The following PHLPP2 variants were observed in gnomAD, a reference collection of about 807,000 sequenced individuals.
PHLPP2 encodes the protein PH domain and leucine rich repeat protein phosphatase 2.
Under a neutral mutation model 124.9 loss-of-function variants are expected in PHLPP2, and 66 were observed. That is an observed-to-expected ratio of 0.53 (90% CI 0.43 to 0.65). PHLPP2 has a LOEUF of 0.65. Ranked by LOEUF, PHLPP2 falls within the 30% of genes least tolerant of loss-of-function variation. PHLPP2 has a pLI of 0.00. For missense variants in PHLPP2, 1,685 were observed against 1,600.4 expected (o/e 1.05, Z -0.90); for synonymous variants, 681 against 624.7 (o/e 1.09, Z -1.34).
intron 13 of PHLPP2, among the ~76,000 whole-genome samples, chr16:71,660,591 A>C (rs1282733922): frequency 6.6e-6 from 1 of 151,524 alleles, no homozygotes; most frequent in African/African-American, 2.4e-5. Flanking sequence ...ATGCCCGGCT[A>C]ATTTTTTGTA....
At chr16:71,667,497 A>G (rs996080180) in intron 11 of PHLPP2, among the ~76,000 whole-genome samples, 164 bp from the exon 12 acceptor site, 2 of 152,186 alleles carry the variant, frequency 1.3e-5, no homozygotes, top group Non-Finnish European at 2.9e-5. Context: ...AGCTATGACC[A>G]TATGTTTACC....
At chr16:71,704,997 C>G (rs969657960) in intron 2 of PHLPP2, among the ~76,000 whole-genome samples, 1 of 152,052 alleles carries the variant, frequency 6.6e-6, no homozygotes, top group Non-Finnish European at 1.5e-5. Context: ...CTGTACTGCT[C>G]CAAAGAATGG....
At chr16:71,659,226 T>C (rs1448901419) in intron 13 of PHLPP2, among the ~76,000 whole-genome samples, 1 of 150,864 alleles carries the variant, frequency 6.6e-6, no homozygotes, top group African/African-American at 2.4e-5. Flanking sequence ...AAAAATGAGG[T>C]TGTACTAAAT....
At position 71,649,790 on chromosome 16, in the gene PHLPP2, G is replaced by A. The variant is rs777601856; in HGVS notation, c.3072C>T (p.Asp1024=). ...CTLAQSYGCQ[D]NVGAMVVYLN... is the part of the protein sequence containing the mutation. ...AATAAACTACCATCGCCCCTACATT[G>A]TCCTGACAGCCATAGCTCTGCGCTA... The change falls in exon 19 of 19, where the codon GAC becomes GAT. Residue 1024 remains aspartate, a synonymous_variant. Coordinates refer to ENST00000568954, the MANE Select transcript of PHLPP2 (RefSeq NM_015020.3). 9 of 1,614,096 alleles carry A rather than the reference G, an allele frequency of 5.6e-6. No individual in the cohort carries two copies. The African/African-American group carries it at 1.2e-4, about 22-fold the overall frequency.
intron 4 of PHLPP2, among the ~76,000 whole-genome samples, chr16:71,689,807 G>A (rs558754857): frequency 3.3e-5 from 5 of 152,092 alleles, no homozygotes; most frequent in African/African-American, 7.2e-5. Flanking sequence ...AAGCTACCAC[G>A]CCCAGCTTAT....
At chr16:71,719,302 A>G (rs1176450685) in intron 1 of PHLPP2, among the ~76,000 whole-genome samples, 1 of 152,192 alleles carries the variant, frequency 6.6e-6, no homozygotes, top group African/African-American at 2.4e-5. Context: ...TGGGAGGCTG[A>G]GGCGGGCAGG....
intron 13 of PHLPP2, among the ~76,000 whole-genome samples, chr16:71,660,448 T>TG (rs1475007932): frequency 8.7e-5 from 10 of 115,150 alleles, no homozygotes; most frequent in African/African-American, 3.4e-4. Context: ...TTTTTTGAGA[T>TG]GGAGTCTTGC....
At chr16:71,715,089 G>A (rs556561760) in intron 1 of PHLPP2, 2 of 385,092 alleles carry the variant, frequency 5.2e-6, no homozygotes, top group African/African-American at 4.1e-5. Context: ...CAGTGGCTCA[G>A]GCCTGTAATC....
chr16:71,722,452 C>A (rs982422799), intron 1 of PHLPP2, among the ~76,000 whole-genome samples: 2 of 151,978 alleles, frequency 1.3e-5, no homozygotes, highest in South Asian at 2.1e-4. Flanking sequence ...AGAAAAAAAA[C>A]TGAGAGGCAG....
chr16:71,655,949 T>C (rs578178450), intron 16 of PHLPP2, among the ~76,000 whole-genome samples: 2 of 152,182 alleles, frequency 1.3e-5, no homozygotes, highest in Non-Finnish European at 2.9e-5. Flanking sequence ...TCATGGGCAG[T>C]ACATATTAGC....
intron 12 of PHLPP2, among the ~76,000 whole-genome samples, chr16:71,664,933 A>T (rs2044825571): frequency 1.3e-5 from 2 of 152,220 alleles, no homozygotes; most frequent in African/African-American, 2.4e-5. Flanking sequence ...ACATTCCTAA[A>T]AACAGAATTT....
chr16:71,670,621 T>C (rs1171604689), intron 10 of PHLPP2, among the ~76,000 whole-genome samples: 1 of 149,020 alleles, frequency 6.7e-6, no homozygotes, highest in Non-Finnish European at 1.5e-5. Flanking sequence ...GTTAGGGGGA[T>C]TGTGAGGTAA....
chr16:71,670,135 G>A (rs73578257), intron 10 of PHLPP2, among the ~76,000 whole-genome samples: 5,709 of 152,256 alleles, frequency 0.037, 361 homozygotes, highest in African/African-American at 0.13. Flanking sequence ...GCACAGGGTG[G>A]CAACATGAGC....
chr16:71,658,108 G>A, intron 15 of PHLPP2, 125 bp downstream of exon 15: 2 of 775,598 alleles, frequency 2.6e-6, no homozygotes, highest in Non-Finnish European at 4.1e-6. Flanking sequence ...GAGAACCTAG[G>A]GGCTTTATAG....
chr16:71,722,359 TG>T (rs2145392596), intron 1 of PHLPP2, among the ~76,000 whole-genome samples: 1 of 152,160 alleles, frequency 6.6e-6, no homozygotes, highest in East Asian at 1.9e-4. Context: ...GCTTGAACCC[TG>T]GAGGCAGAGG....
chr16:71,681,992 G>T, intron 5 of PHLPP2, 87 bp from the exon 6 acceptor site: 1 of 905,728 alleles, frequency 1.1e-6, no homozygotes, highest in Non-Finnish European at 1.5e-6. Context: ...TACACAAAAA[G>T]ACGCTAATTA....
intron 5 of PHLPP2, 114 bp downstream of exon 5, chr16:71,684,362 G>A (rs2045032495): frequency 1.0e-6 from 1 of 1,001,112 alleles, no homozygotes; most frequent in Non-Finnish European, 1.5e-6. Context: ...CCAACCTCAG[G>A]TGATCCGTCC....
At position 71,656,564 on chromosome 16, in the gene PHLPP2, T is replaced by C. The variant is rs1225364585; in HGVS notation, c.2390+7A>G. 1 of 1,549,290 alleles carries C rather than the reference T, an allele frequency of 6.5e-7. No homozygotes were observed. The highest frequency in any genetic ancestry group is 1.1e-5 in the South Asian group (1 of 89,696). ...TCTTTCTCAGTCTCCATGGCCAATATACTCACTTATTTCTCTGCCCTGCCA... is the reference window on the plus strand; with the variant it reads ...TCTTTCTCAGTCTCCATGGCCAATACACTCACTTATTTCTCTGCCCTGCCA... On this transcript the variant is annotated splice_region_variant and intron_variant, in intron 16 of 18. Transcript: ENST00000568954.
chr16:71,678,327 TA>T (rs765597158), intron 8 of PHLPP2: 65 of 163,880 alleles, frequency 4.0e-4, no homozygotes, highest in Middle Eastern at 3.0e-3. Context: ...TTTGAAAACA[TA>T]TATTTCTACA....
Sources: gnomAD v4.1 joint callset for allele counts (sites outside exome capture counted in the v4.1 genomes callset) on GRCh38, gnomAD v4.1.1 for gene constraint, MANE v1.5 for transcripts, NCBI Gene and HGNC (gene_info 2026-07-23, HGNC 2026-07-21) for gene names.